BTK: variants seen among roughly 807,000 people sequenced by gnomAD.
BTK encodes the protein Bruton tyrosine kinase.
A neutral mutation model predicts 57.4 loss-of-function variants in BTK; 5 were observed. That is an observed-to-expected ratio of 0.09 (90% CI 0.05 to 0.18). The LOEUF (loss-of-function observed/expected upper bound fraction) is 0.18. Ranked by LOEUF, BTK falls within the 10% of genes least tolerant of loss-of-function variation. The pLI, the probability that BTK is intolerant of heterozygous loss-of-function variation, is 1.00. For missense variants in BTK, 194 were observed against 501.2 expected, an observed-to-expected ratio of 0.39 and a Z score of 5.85; for synonymous variants, 154 against 174.3, an observed-to-expected ratio of 0.88 and a Z score of 0.92.
intron 17 of BTK, 110 bp downstream of exon 17, chrX:101,353,760 G>A (rs1475102219): frequency 2.8e-6 from 2 of 724,842 alleles, no homozygotes; most frequent in Non-Finnish European, 4.4e-6. Flanking sequence ...CCCAAGGATT[G>A]GAAGAATGAA....
chrX:101,378,528 GAC>G (rs72139259), intron 1 of BTK, among the ~76,000 whole-genome samples: 47,130 of 94,907 alleles, frequency 0.5, 9,937 homozygotes, highest in East Asian at 0.64. Flanking sequence ...CAAACATACA[GAC>G]ACACACACAC....
intron 1 of BTK, among the ~76,000 whole-genome samples, chrX:101,381,007 G>GAA (rs782713123): frequency 2.6e-3 from 63 of 24,424 alleles, no homozygotes; most frequent in East Asian, 5.6e-3. Context: ...ACTCGGTCGC[G>GAA]AAAAAAAAAA....
chrX:101,382,365 C>A (rs1453034841), intron 1 of BTK, among the ~76,000 whole-genome samples: 1 of 104,970 alleles, frequency 9.5e-6, no homozygotes, highest in African/African-American at 3.8e-5. Context: ...CTCGCTCTGT[C>A]ATCCAGGCTT....
chrX:101,378,528 GACACACACACAC>G (rs72139259), intron 1 of BTK, among the ~76,000 whole-genome samples: 1 of 95,363 alleles, frequency 1.0e-5, no homozygotes, highest in African/African-American at 3.9e-5. Flanking sequence ...CAAACATACA[GACACACACACAC>G]ACACACACAC....
chrX:101,350,427 C>A (rs1926244019), intron 18 of BTK, among the ~76,000 whole-genome samples: 2 of 89,916 alleles, frequency 2.2e-5, no homozygotes, highest in East Asian at 3.5e-4. Context: ...TTTTTTTTAC[C>A]ACTGGTAACA....
At chrX:101,373,609 G>A (rs1927110251) in intron 3 of BTK, among the ~76,000 whole-genome samples, 1 of 112,381 alleles carries the variant, frequency 8.9e-6, no homozygotes, top group African/African-American at 3.2e-5. Context: ...AAAAACATCT[G>A]TAAGTCTATG....
At chrX:101,360,793 G>A in intron 7 of BTK, 38 bp from the exon 8 acceptor site, 1 of 1,157,596 alleles carries the variant, frequency 8.6e-7, no homozygotes, top group Non-Finnish European at 1.2e-6. Context: ...GGTTTGTCAA[G>A]ATACCAAGCA....
In BTK at chrX:101,373,495, C is replaced by A. The variant is rs782597061; in HGVS notation, c.240+1041G>T. Among the ~76,000 whole-genome samples, 3 of 111,734 alleles carry A rather than the reference C, an allele frequency of 2.7e-5. No individual in the cohort carries two copies. The East Asian group carries it at 8.4e-4, about 31-fold the overall frequency. ...TCATGGGGAAAAGTTTCCCACATAT[C>A]GTTACATTGAAAAAGTACGTTACAA... On this transcript the variant is annotated intron_variant, in intron 3 of 18. Coordinates refer to ENST00000308731, the MANE Select transcript of BTK (RefSeq NM_000061.3).
upstream of BTK, among the ~76,000 whole-genome samples, chrX:101,388,474 C>A (rs1927686570): frequency 8.9e-6 from 1 of 112,199 alleles, no homozygotes; most frequent in African/African-American, 3.2e-5. Flanking sequence ...TCCTGTTCAG[C>A]ATTTTTATTG....
chrX:101,369,227 C>T (rs915124015), intron 5 of BTK, among the ~76,000 whole-genome samples: 4 of 112,328 alleles, frequency 3.6e-5, no homozygotes, highest in African/African-American at 9.7e-5. Flanking sequence ...ACAGTGCTTT[C>T]GTATACAGTG....
At chrX:101,387,739 A>T (rs901539157), upstream of BTK, among the ~76,000 whole-genome samples, 2 of 111,216 alleles carry the variant, frequency 1.8e-5, no homozygotes, top group Non-Finnish European at 3.8e-5. Context: ...AGACAGATGG[A>T]CAGCATGTGT....
At chrX:101,373,513 C>T (rs73250682) in intron 3 of BTK, among the ~76,000 whole-genome samples, 176 of 111,661 alleles carry the variant, frequency 1.6e-3, no homozygotes, top group Non-Finnish European at 2.7e-3. Flanking sequence ...TGAAAAAGTA[C>T]GTTACAAAGC....
chrX:101,375,439 C>T (rs1927179293), intron 1 of BTK, 125 bp from the exon 2 acceptor site: 1 of 653,924 alleles, frequency 1.5e-6, no homozygotes, highest in African/African-American at 2.2e-5. Context: ...ATAATTTCTT[C>T]CTACCAACCT....
At chrX:101,382,975 A>G (rs1399518298) in intron 1 of BTK, among the ~76,000 whole-genome samples, 1 of 111,993 alleles carries the variant, frequency 8.9e-6, no homozygotes, top group Non-Finnish European at 1.9e-5. Flanking sequence ...GGTCAGCCTG[A>G]GAAACATAGG....
intron 15 of BTK, chrX:101,355,771 C>A (rs1169256205): frequency 7.8e-6 from 3 of 383,834 alleles, no homozygotes; most frequent in South Asian, 3.5e-5. Flanking sequence ...GTTCCAAATC[C>A]AGAATGGCCA....
chrX:101,373,813 A>T (rs1555980696), intron 3 of BTK, among the ~76,000 whole-genome samples: 1 of 111,479 alleles, frequency 9.0e-6, no homozygotes, highest in Non-Finnish European at 1.9e-5. Context: ...AGGCCGAGAC[A>T]GGCGGATCAC....
chrX:101,379,344 G>T (rs1026504722), intron 1 of BTK, among the ~76,000 whole-genome samples: 1 of 111,148 alleles, frequency 9.0e-6, no homozygotes, highest in Non-Finnish European at 1.9e-5. Context: ...GTTTTCTCTT[G>T]ATTTCTCCTT....
chrX:101,381,512 A>G (rs782444662), intron 1 of BTK, among the ~76,000 whole-genome samples: 9 of 111,890 alleles, frequency 8.0e-5, no homozygotes, highest in East Asian at 2.8e-4. Flanking sequence ...TGAGATTTCA[A>G]TTGAGAATTC....
intron 5 of BTK, among the ~76,000 whole-genome samples, chrX:101,369,024 C>A (rs1325818722): frequency 1.8e-5 from 2 of 112,485 alleles, no homozygotes; most frequent in Non-Finnish European, 3.8e-5. Flanking sequence ...ATCTCTCAGT[C>A]ACTTGACATG....
Sources: gnomAD v4.1 joint callset for allele counts (sites outside exome capture counted in the v4.1 genomes callset) on GRCh38, gnomAD v4.1.1 for gene constraint, MANE v1.5 for transcripts, NCBI Gene and HGNC (gene_info 2026-07-23, HGNC 2026-07-21) for gene names.